The following PTPN23 variants were observed in gnomAD, a reference collection of about 807,000 sequenced individuals.
PTPN23 encodes the protein protein tyrosine phosphatase non-receptor type 23, also known as tyrosine-protein phosphatase non-receptor type 23.
In PTPN23, 72 loss-of-function variants were observed where a neutral mutation model predicts 156.3. The observed-to-expected ratio is 0.46, with a 90% CI of 0.38 to 0.56. The LOEUF (loss-of-function observed/expected upper bound fraction) is 0.56, where lower values mean the gene tolerates loss of function less well. Ranked by LOEUF, PTPN23 falls within the 20% of genes least tolerant of loss-of-function variation. The pLI is 0.00. For synonymous variants in PTPN23, 957 were observed against 899.6 expected, an observed-to-expected ratio of 1.06 and a Z score of -1.14; for missense variants, 1,974 against 2,171.5, an observed-to-expected ratio of 0.91 and a Z score of 1.81.
intron 2 of PTPN23, chr3:47,396,436 G>A: frequency 2.8e-6 from 1 of 355,494 alleles, no homozygotes; most frequent in South Asian, 2.7e-5. Context: ...TTAGGCAGGT[G>A]TGGTGTCATG....
At chr3:47,384,602 A>G (rs959215833) in intron 1 of PTPN23, among the ~76,000 whole-genome samples, 1 of 152,028 alleles carries the variant, frequency 6.6e-6, no homozygotes, top group Non-Finnish European at 1.5e-5. Flanking sequence ...TCGTTGTTTG[A>G]GAGGGCTGGG....
chr3:47,390,067 C>T (rs1253227576), intron 1 of PTPN23, among the ~76,000 whole-genome samples: 7 of 140,794 alleles, frequency 5.0e-5, no homozygotes, highest in African/African-American at 8.0e-5. Flanking sequence ...AGCGAGACTC[C>T]GTCTCAAAAA....
chr3:47,387,488 G>A (rs1272806636), intron 1 of PTPN23, among the ~76,000 whole-genome samples: 1 of 151,920 alleles, frequency 6.6e-6, no homozygotes, highest in Non-Finnish European at 1.5e-5. Flanking sequence ...CTGAGGTGGG[G>A]GGTATGGCTT....
chr3:47,397,779 C>T (rs1294148649), intron 2 of PTPN23, among the ~76,000 whole-genome samples: 1 of 152,150 alleles, frequency 6.6e-6, no homozygotes, highest in African/African-American at 2.4e-5. Context: ...AAGTGATTCT[C>T]CTGTCTCAGC....
In PTPN23 at chr3:47,412,109, C is replaced by A; in HGVS notation, c.4089C>A (p.Ser1363Arg). ...PTWPELGLPD[S>R]PSNLLRFIQE... ...TGTCCCACAGAGGCCTGCCCGACAG[C>A]CCCAGCAACTTGCTGCGCTTCATCC... Residue 1363 changes from serine to arginine, a missense_variant, in exon 22 of 25, where the codon AGC becomes AGA. By Grantham distance (110) the Ser-to-Arg change is moderately radical. Around this residue, in one of 4 missense-constraint regions of PTPN23, gnomAD observed 484 missense variants for 516.0 expected, o/e 0.94. Transcript: ENST00000265562. 1 of 1,613,084 alleles carries A rather than the reference C, an allele frequency of 6.2e-7. No individual in the cohort carries two copies. Among genetic ancestry groups the A allele is most frequent in the South Asian group, 1.1e-5 (1 of 91,084 alleles).
chr3:47,407,787 C>T lies in PTPN23; in HGVS notation c.1094C>T (p.Ala365Val), dbSNP rs777391422. The change falls in exon 13 of 25, where the codon GCC becomes GTC. Residue 365 changes from alanine to valine, a missense_variant. This residue lies in a region of PTPN23 where 726 missense variants were observed against 929.5 expected (regional missense o/e 0.78). Transcript: ENST00000265562. This position sits in a 1 kb window ranked among gnomAD's most constrained non-coding sequence, Gnocchi z 4.0. ...TTTGCCAAACTGGTACCCATGGCTG[C>T]CCACGAGGCCTCGTCACTGTACAGG... ...DIFAKLVPMA[A>V]HEASSLYSEE... The T allele has an allele frequency of 1.1e-5, 17 of 1,614,002 alleles. No homozygotes were observed. Among genetic ancestry groups the T allele is most frequent in the African/African-American group, 1.3e-5 (1 of 74,904 alleles).
Position 47,405,014 on chromosome 3 carries a change from C to A in PTPN23, c.297C>A (p.Ile99=), listed in dbSNP as rs752965610. The change falls in exon 4 of 25, where the codon ATC becomes ATA. Residue 99 remains isoleucine (I), a synonymous_variant. Transcript: ENST00000265562. This position sits in a 1 kb window ranked among gnomAD's most constrained non-coding sequence, Gnocchi z 4.7. ...EAAVPVTWTE[I]FSGKSVAHED... is the part of the protein sequence containing the mutation. ...GGTGCCATGTCTGCAGGACAGAGAT[C>A]TTCTCAGGCAAGTCTGTGGCCCATG... 4 of 1,614,200 alleles carry A rather than the reference C, an allele frequency of 2.5e-6. No individual in the cohort carries two copies. The highest frequency in any genetic ancestry group is 2.5e-6 in the Non-Finnish European group (3 of 1,180,026).
At chr3:47,395,179 A>G (rs953223198) in intron 1 of PTPN23, among the ~76,000 whole-genome samples, 1 of 152,162 alleles carries the variant, frequency 6.6e-6, no homozygotes, top group Non-Finnish European at 1.5e-5. Context: ...CTCAGGAAAG[A>G]TGGGTGGGCC....
Position 47,409,237 on chromosome 3 carries a change from C to T in PTPN23, c.1717C>T (p.Leu573=), listed in dbSNP as rs781053325. ...VQEMRDQRVS[L]EQQLRELIQK... ...GGAGATGCGGGACCAGCGCGTGTCC[C>T]TGGAGCAGCAGCTGCGTGAGCTTAT... Residue 573 remains leucine, a synonymous_variant, in exon 17 of 25, where the codon CTG becomes TTG. Transcript: ENST00000265562. 1 of 1,614,190 alleles carries T rather than the reference C, an allele frequency of 6.2e-7. No homozygotes were observed. The highest frequency in any genetic ancestry group is 8.5e-7 in the Non-Finnish European group (1 of 1,180,038).
In PTPN23 at chr3:47,413,327, CCT is replaced by C; in HGVS notation, c.*143_*144del. The C allele has an allele frequency of 8.2e-7, 1 of 1,217,360 alleles. No homozygotes were observed. The highest frequency in any genetic ancestry group is 1.1e-6 in the Non-Finnish European group (1 of 872,140). The allele number at this position is 1,217,360 out of a possible 1,614,324, so 75.4% of individuals were successfully genotyped here. On this transcript the variant is annotated 3_prime_UTR_variant, in exon 25 of 25. Coordinates refer to ENST00000265562, the MANE Select transcript of PTPN23 (RefSeq NM_015466.4). The stretch of plus-strand genomic sequence containing the variant: ...GGCCCTGCCTGGCCCAGCCTGCACC[CCT>C]GTGGGGTGGAAATGTACTGCAGGCT...
In PTPN23 at chr3:47,407,406, G is replaced by C; in HGVS notation, c.923+39G>C. On this transcript the variant is annotated intron_variant, in intron 11 of 24. Transcript: ENST00000265562. The surrounding 1 kb of genome is among the most constrained non-coding windows in gnomAD (Gnocchi z 4.0). ...GGTGGCCCTGGTTCCCTCTTTTTGTGAAGGGTCTTGTCCCTCTGCTGGCAT... is the reference window on the plus strand; with the variant it reads ...GGTGGCCCTGGTTCCCTCTTTTTGTCAAGGGTCTTGTCCCTCTGCTGGCAT... 2 of 1,612,124 alleles carry C rather than the reference G, an allele frequency of 1.2e-6. No homozygotes were observed. Among genetic ancestry groups the C allele is most frequent in the Non-Finnish European group, 1.7e-6 (2 of 1,178,662 alleles).
intron 1 of PTPN23, among the ~76,000 whole-genome samples, chr3:47,381,685 C>T (rs777891744): frequency 2.6e-5 from 4 of 152,240 alleles, no homozygotes; most frequent in Non-Finnish European, 5.9e-5. Context: ...TGCCCGACCC[C>T]TGCGGTGAGG....
chr3:47,404,815 G>A (rs1559524172), intron 3 of PTPN23, 36 bp downstream of exon 3: 1 of 1,606,798 alleles, frequency 6.2e-7, no homozygotes, highest in Non-Finnish European at 8.5e-7. Flanking sequence ...GATCCCACGG[G>A]GAGTCTGGGT....
intron 19 of PTPN23, 38 bp downstream of exon 19, chr3:47,409,872 C>T (rs766857821): frequency 6.3e-7 from 1 of 1,595,750 alleles, no homozygotes; most frequent in East Asian, 2.2e-5. Context: ...GGCTCGGGTC[C>T]AGACAGGCTG....
Position 47,412,169 on chromosome 3 carries a change from G to T in PTPN23, c.4149G>T (p.Pro1383=), listed in dbSNP as rs147959396. The T allele has an allele frequency of 4.2e-3, 6,706 of 1,613,146 alleles. 32 individuals are homozygous for T. Among genetic ancestry groups the T allele is most frequent in the Admixed American group, 6.2e-3 (370 of 60,026 alleles). Residue 1383 remains proline (P), a synonymous_variant, in exon 22 of 25, where the codon CCG becomes CCT. Transcript: ENST00000265562. ...ACGCACATTACCTGCATCAGCGGCC[G>T]CTGCACACGCCCATCATTGTGCACT... ...EVHAHYLHQR[P]LHTPIIVHCS...
chr3:47,398,038 G>C (rs1299529036), intron 2 of PTPN23, among the ~76,000 whole-genome samples: 1 of 151,036 alleles, frequency 6.6e-6, no homozygotes, highest in Admixed American at 6.6e-5. Context: ...GCTCACGCCT[G>C]TAATGCTATC....
At chr3:47,404,950 C>G in intron 3 of PTPN23, 55 bp from the exon 4 acceptor site, 2 of 1,608,316 alleles carry the variant, frequency 1.2e-6, no homozygotes, top group Non-Finnish European at 1.7e-6. Flanking sequence ...CTTACCTAAT[C>G]TCAGGGCCCT....
In PTPN23 at chr3:47,410,017, A is replaced by G; in HGVS notation, c.2219A>G (p.Asp740Gly). 6.2e-7 allele frequency: 1 copy of G among 1,607,524 alleles called. No homozygotes were observed. The highest frequency in any genetic ancestry group is 8.5e-7 in the Non-Finnish European group (1 of 1,177,560). The change falls in exon 20 of 25, where the codon GAC becomes GGC. Residue 740 changes from aspartate (D) to glycine (G), a missense_variant. Physicochemically the swap from Asp to Gly is moderately conservative, Grantham distance 94 (BLOSUM62 -1). This residue lies in a region of PTPN23 where 731 missense variants were observed against 669.1 expected (regional missense o/e 1.09). Transcript: ENST00000265562. ...REESEAVEAGDPPEELRSLPP... is the reference protein window; with the variant it reads ...REESEAVEAGGPPEELRSLPP... ...GAGAGTGAGGCAGTGGAAGCAGGAG[A>G]CCCCCCTGAGGAGCTGCGCAGCCTC...
At position 47,407,699 on chromosome 3, in the gene PTPN23, G is replaced by A. The variant is rs1705163373; in HGVS notation, c.1006G>A (p.Ala336Thr). ...ALDTLQPVKG[A>T]PLVKPLPVNP... ...CTCCACAATTCCCACCCCCCCAGGAGCCCCCTTGGTGAAGCCCTTGCCAGT... is the reference window on the plus strand; with the variant it reads ...CTCCACAATTCCCACCCCCCCAGGAACCCCCTTGGTGAAGCCCTTGCCAGT... Residue 336 changes from alanine to threonine, a missense_variant and splice_region_variant, in exon 13 of 25, where the codon GCC (alanine) becomes ACC (threonine). Ala to Thr is a moderately conservative substitution (Grantham distance 58, BLOSUM62 0). This residue lies in a region of PTPN23 where 726 missense variants were observed against 929.5 expected (regional missense o/e 0.78). Coordinates refer to ENST00000265562, the MANE Select transcript of PTPN23 (RefSeq NM_015466.4). The surrounding 1 kb of genome is among the most constrained non-coding windows in gnomAD (Gnocchi z 4.0). The A allele has an allele frequency of 6.2e-7, 1 of 1,612,706 alleles. No individual in the cohort carries two copies. Among genetic ancestry groups the A allele is most frequent in the Non-Finnish European group, 8.5e-7 (1 of 1,178,930 alleles).
Sources: allele counts gnomAD v4.1 joint callset (sites outside exome capture counted in the v4.1 genomes callset), GRCh38; gene constraint gnomAD v4.1.1; regional missense constraint gnomAD v4.1.1; non-coding constraint Gnocchi (gnomAD v3.1); transcripts MANE v1.5; gene names NCBI Gene and HGNC (gene_info 2026-07-23, HGNC 2026-07-21).